SAMD5: variants seen among roughly 807,000 people sequenced by gnomAD.
The protein encoded by SAMD5 is sterile alpha motif domain containing 5, also known as sterile alpha motif domain-containing protein 5.
In SAMD5, 13 loss-of-function variants were observed where a neutral mutation model predicts 11.3. The observed-to-expected ratio is 1.15, with a 90% CI of 0.75 to 1.83. The LOEUF (loss-of-function observed/expected upper bound fraction) is 1.83, where lower values mean the gene tolerates loss of function less well. Among genes scored for constraint, SAMD5 ranks in the 40% most tolerant of loss-of-function variants. The pLI is 0.00. For synonymous variants in SAMD5, 129 were observed against 111.3 expected, an observed-to-expected ratio of 1.16 and a Z score of -1.00; for missense variants, 255 against 239.1, an observed-to-expected ratio of 1.07 and a Z score of -0.44.
At chr6:147,897,504 G>C in the SAMD5 span, among the ~76,000 whole-genome samples, 2 of 152,148 alleles carry the variant, frequency 1.3e-5, no homozygotes, top group Non-Finnish European at 2.9e-5. Context: ...TGGAAATCAT[G>C]GTGTGGTGGA....
chr6:147,870,478 G>A, the SAMD5 span, among the ~76,000 whole-genome samples: 45,557 of 133,990 alleles, frequency 0.34, 8,029 homozygotes, highest in East Asian at 0.44. Context: ...GTGTGTGTGT[G>A]TGTGTATATA....
At chr6:147,749,170 TTG>T in the SAMD5 span, among the ~76,000 whole-genome samples, 1 of 141,470 alleles carries the variant, frequency 7.1e-6, no homozygotes, top group Non-Finnish European at 1.5e-5. Context: ...TTTTTTTGTT[TTG>T]TTTTTTTTTT....
At chr6:147,797,716 T>G in the SAMD5 span, among the ~76,000 whole-genome samples, 1 of 140,230 alleles carries the variant, frequency 7.1e-6, no homozygotes, top group Non-Finnish European at 1.5e-5. Context: ...TTTTGGTTGG[T>G]AAGCTATTGA....
chr6:147,697,441 G>A (rs1280555443), intron 1 of SAMD5, among the ~76,000 whole-genome samples: 1 of 152,164 alleles, frequency 6.6e-6, no homozygotes, highest in Non-Finnish European at 1.5e-5. Flanking sequence ...CATGGGGTAT[G>A]TAGGCTAGTA....
At chr6:147,513,949 C>G (rs888384592) in intron 1 of SAMD5, among the ~76,000 whole-genome samples, 1 of 152,108 alleles carries the variant, frequency 6.6e-6, no homozygotes, top group Non-Finnish European at 1.5e-5. Flanking sequence ...AGACAGGGAT[C>G]ACCCACAACT....
At chr6:147,906,607 G>C in the SAMD5 span, among the ~76,000 whole-genome samples, 1 of 152,212 alleles carries the variant, frequency 6.6e-6, no homozygotes, top group African/African-American at 2.4e-5. Context: ...AGGGACAGCT[G>C]CTGGAAGAGG....
intron 1 of SAMD5, among the ~76,000 whole-genome samples, chr6:147,625,919 C>G (rs188674307): frequency 2.4e-4 from 37 of 152,252 alleles, no homozygotes; most frequent in Non-Finnish European, 3.8e-4. Context: ...TAGCTGCAGA[C>G]AGTGGGTCAG....
At chr6:147,842,922 C>T in the SAMD5 span, among the ~76,000 whole-genome samples, 33 of 152,260 alleles carry the variant, frequency 2.2e-4, no homozygotes, top group South Asian at 3.7e-3. Flanking sequence ...TGCAGTGGCA[C>T]GATCTTGACT....
chr6:147,866,124 C>T, the SAMD5 span, among the ~76,000 whole-genome samples: 5 of 150,422 alleles, frequency 3.3e-5, no homozygotes, highest in African/African-American at 9.8e-5. Flanking sequence ...TTTTTTTTTC[C>T]CGATAAACTA....
chr6:147,568,949 G>A lies in SAMD5; in HGVS notation c.*4493G>A. 1.0e-6 allele frequency: 1 copy of A among 964,406 alleles called. No individual in the cohort carries two copies. Among genetic ancestry groups the A allele is most frequent in the Non-Finnish European group, 1.2e-6 (1 of 810,930 alleles). 59.7% of individuals were successfully genotyped at this position (964,406 alleles called of 1,614,324 possible). Reference sequence around the variant, plus strand: ...GTAGGTAGTTCAGAAAAAAATGGCTGGGCACGGTGGCTCACGCCTGTAATC... The same window carrying A: ...GTAGGTAGTTCAGAAAAAAATGGCTAGGCACGGTGGCTCACGCCTGTAATC... On this transcript the variant is annotated 3_prime_UTR_variant, in exon 2 of 2. Transcript: ENST00000367474.
intron 1 of SAMD5, among the ~76,000 whole-genome samples, chr6:147,736,837 A>G (rs1397756965): frequency 6.6e-6 from 1 of 152,192 alleles, no homozygotes; most frequent in African/African-American, 2.4e-5. Flanking sequence ...ATTTCCCTTG[A>G]AGATGCAAAT....
At chr6:147,554,250 C>T (rs1318186660) in intron 1 of SAMD5, among the ~76,000 whole-genome samples, 2 of 152,150 alleles carry the variant, frequency 1.3e-5, no homozygotes, top group Non-Finnish European at 2.9e-5. Context: ...TTACCTTCCG[C>T]TGGGTCCCTC....
chr6:147,538,986 C>T (rs1013407557), intron 1 of SAMD5, among the ~76,000 whole-genome samples: 1 of 152,048 alleles, frequency 6.6e-6, no homozygotes, highest in Non-Finnish European at 1.5e-5. Flanking sequence ...ACAGAAGATT[C>T]GGCACTTAGA....
the SAMD5 span, among the ~76,000 whole-genome samples, chr6:147,878,602 T>C: frequency 6.9e-6 from 1 of 145,186 alleles, no homozygotes; most frequent in African/African-American, 2.5e-5. Context: ...TATACATATA[T>C]ATCTATATAG....
intron 1 of SAMD5, among the ~76,000 whole-genome samples, chr6:147,688,519 A>C (rs1381990536): frequency 6.6e-6 from 1 of 152,176 alleles, no homozygotes; most frequent in Non-Finnish European, 1.5e-5. Flanking sequence ...ATGCTGGTCT[A>C]TTTCTAGTTC....
Position 147,565,585 on chromosome 6 carries a change from G to T in SAMD5, c.*1129G>T, listed in dbSNP as rs1213776329. 7.4e-5 allele frequency: 33 copies of T among 448,606 alleles called. No individual in the cohort carries two copies. The highest frequency in any genetic ancestry group is 9.4e-5 in the Non-Finnish European group (32 of 340,014). 27.8% of individuals were successfully genotyped at this position (448,606 alleles called of 1,614,324 possible). A position where few individuals can be genotyped will look rare whatever the true frequency, so the allele number is the denominator to read the frequency against. On this transcript the variant is annotated 3_prime_UTR_variant, in exon 2 of 2. Transcript: ENST00000367474. ...GGAATTCTCCTGCCTCGGCCTCTTG[G>T]TAGCTGGGATTACAGGCACGCATCA... is the stretch of plus-strand genomic sequence containing the variant.
the SAMD5 span, among the ~76,000 whole-genome samples, chr6:147,948,129 G>T: frequency 2.0e-4 from 31 of 151,988 alleles, no homozygotes; most frequent in African/African-American, 7.3e-4. Flanking sequence ...ATTTCTAGCT[G>T]TACTGGCACA....
exon 2 of SAMD5, chr6:147,737,436 T>G (rs978085674): frequency 5.4e-6 from 5 of 917,562 alleles, no homozygotes; most frequent in Non-Finnish European, 7.6e-6. Context: ...TTGACATTTC[T>G]TTGGACACAT....
chr6:147,568,992 C>T lies in SAMD5; in HGVS notation c.*4536C>T, dbSNP rs1275277726. On this transcript the variant is annotated 3_prime_UTR_variant, in exon 2 of 2. Transcript: ENST00000367474. The stretch of plus-strand genomic sequence containing the variant: ...CTGTAATCCCAGCACTTTGGGAGGC[C>T]GGGGTGGGCAGATCATTTGAGGTCA... The T allele has an allele frequency of 9.5e-5, 48 of 507,264 alleles. No homozygotes were observed. Among genetic ancestry groups the T allele is most frequent in the African/African-American group, 8.8e-4 (42 of 47,916 alleles). The allele number at this position is 507,264 out of a possible 1,614,324, so 31.4% of individuals were successfully genotyped here.
Sources: gnomAD v4.1 joint callset for allele counts (sites outside exome capture counted in the v4.1 genomes callset) on GRCh38, gnomAD v4.1.1 for gene constraint, MANE v1.5 for transcripts, NCBI Gene and HGNC (gene_info 2026-07-23, HGNC 2026-07-21) for gene names.